PCIF1: variants seen among roughly 807,000 people sequenced by gnomAD.
PCIF1 encodes phosphorylated CTD interacting factor 1, also known as mRNA (2'-O-methyladenosine-N(6)-)-methyltransferase.
A neutral mutation model predicts 86.9 loss-of-function variants in PCIF1; 12 were observed. The ratio of observed to expected loss-of-function variants is 0.14; its 90% CI spans 0.09 to 0.22. The LOEUF is 0.22. Ranked by LOEUF, PCIF1 falls within the 10% of genes least tolerant of loss-of-function variation. The pLI is 1.00. For missense variants in PCIF1, 701 were observed against 951.1 expected (o/e 0.74, Z 3.46); for synonymous variants, 397 against 372.0 (o/e 1.07, Z -0.77).
intron 1 of PCIF1, 140 bp downstream of exon 1, chr20:45,934,944 A>G (rs2083403906): frequency 7.6e-6 from 3 of 394,060 alleles, no homozygotes; most frequent in South Asian, 1.4e-4. Context: ...GCCATCTTAG[A>G]CCCGCGGGTG....
chr20:45,940,662 G>A (rs377367005), intron 5 of PCIF1, 50 bp downstream of exon 5: 5 of 1,577,546 alleles, frequency 3.2e-6, no homozygotes, highest in East Asian at 4.5e-5. Flanking sequence ...GCTCAGACGG[G>A]CCGCCTGCAG....
rs199928508 is a variant in PCIF1 at position 45,941,223 on chromosome 20, C to A, written c.673+16C>A. The A allele has an allele frequency of 3.2e-6, 5 of 1,575,054 alleles. No individual in the cohort carries two copies. Among genetic ancestry groups the A allele is most frequent in the Non-Finnish European group, 3.4e-6 (4 of 1,160,444 alleles). On this transcript the variant is annotated intron_variant, in intron 7 of 16. Coordinates refer to ENST00000372409, the MANE Select transcript of PCIF1 (RefSeq NM_022104.4). ...CAGCGAGAGGGTACCTGCCTCTGGG[C>A]TGCAGCCTCCTTTATTTCCACCCAC...
intron 1 of PCIF1, among the ~76,000 whole-genome samples, chr20:45,935,899 T>C (rs932060604): frequency 2.0e-4 from 30 of 152,284 alleles, no homozygotes; most frequent in African/African-American, 7.2e-4. Flanking sequence ...TGTCCCCATT[T>C]AGCCTCACAC....
Position 45,947,665 on chromosome 20 carries a change from C to T in PCIF1, c.2025C>T (p.Ser675=), listed in dbSNP as rs2083545286. ...ACCGGCAGTCAGGCCGCAGCCACAGCTCTGGTTCTTCCTCATCGTCCTCCT... is the reference window on the plus strand; with the variant it reads ...ACCGGCAGTCAGGCCGCAGCCACAGTTCTGGTTCTTCCTCATCGTCCTCCT... The part of the protein sequence containing the change: ...AAYRQSGRSH[S]SGSSSSSSSE... The change falls in exon 17 of 17, where the codon AGC becomes AGT. Residue 675 remains serine (S), a synonymous_variant. Coordinates refer to ENST00000372409, the MANE Select transcript of PCIF1 (RefSeq NM_022104.4). The surrounding 1 kb of genome is among the most constrained non-coding windows in gnomAD (Gnocchi z 5.4). 1.9e-6 allele frequency: 3 copies of T among 1,612,510 alleles called. No homozygotes were observed. The highest frequency in any genetic ancestry group is 1.1e-5 in the South Asian group (1 of 91,064).
In PCIF1 at chr20:45,945,379, C is replaced by T. The variant is rs193184358; in HGVS notation, c.1169-332C>T. Among the ~76,000 whole-genome samples, 294 of 151,572 alleles carry T rather than the reference C, an allele frequency of 1.9e-3. 1 individual carries two copies. Among genetic ancestry groups the T allele is most frequent in the African/African-American group, 6.8e-3 (282 of 41,324 alleles). On this transcript the variant is annotated intron_variant, in intron 11 of 16. Coordinates refer to ENST00000372409, the MANE Select transcript of PCIF1 (RefSeq NM_022104.4). Reference sequence around the variant, plus strand: ...CCCAAAAGATCCCCAAATAAAGGATCGTCGCTATTACGATGACGGCGATGC... The same window carrying T: ...CCCAAAAGATCCCCAAATAAAGGATTGTCGCTATTACGATGACGGCGATGC...
chr20:45,945,157 G>A, intron 11 of PCIF1, 127 bp downstream of exon 11: 1 of 1,150,036 alleles, frequency 8.7e-7, no homozygotes, highest in Non-Finnish European at 1.2e-6. Flanking sequence ...GTGTCCTTTG[G>A]CTGTACTTCT....
intron 7 of PCIF1, among the ~76,000 whole-genome samples, chr20:45,942,765 T>C (rs2083485129): frequency 7.1e-6 from 1 of 141,204 alleles, no homozygotes; most frequent in Non-Finnish European, 1.5e-5. Flanking sequence ...CCAGCTAATT[T>C]CTTTTTTTTT....
intron 2 of PCIF1, among the ~76,000 whole-genome samples, chr20:45,938,501 A>C (rs1430037192): frequency 2.6e-5 from 4 of 152,136 alleles, no homozygotes; most frequent in Non-Finnish European, 5.9e-5. Flanking sequence ...ATATTTGCAG[A>C]ATCAGTAGTG....
intron 10 of PCIF1, among the ~76,000 whole-genome samples, chr20:45,944,490 A>G (rs2083503421): frequency 1.3e-5 from 2 of 152,142 alleles, no homozygotes; most frequent in African/African-American, 4.8e-5. Flanking sequence ...TCCCCAATAG[A>G]CTGCAAACAC....
At chr20:45,942,953 A>G (rs563985743) in intron 7 of PCIF1, 144 bp from the exon 8 acceptor site, 1 of 774,560 alleles carries the variant, frequency 1.3e-6, no homozygotes. Flanking sequence ...TTCTTAGAAT[A>G]TATTTTGGGA....
intron 14 of PCIF1, among the ~76,000 whole-genome samples, chr20:45,946,791 G>A (rs568794267): frequency 1.3e-5 from 2 of 152,336 alleles, no homozygotes; most frequent in African/African-American, 4.8e-5. Context: ...GAGCTCAGCA[G>A]CTGGGGATCC....
Position 45,947,463 on chromosome 20 carries a change from A to G in PCIF1, c.1883+25A>G, listed in dbSNP as rs752354350. On this transcript the variant is annotated intron_variant, in intron 16 of 16. Coordinates refer to ENST00000372409, the MANE Select transcript of PCIF1 (RefSeq NM_022104.4). This position sits in a 1 kb window ranked among gnomAD's most constrained non-coding sequence, Gnocchi z 5.4. The stretch of plus-strand genomic sequence containing the variant: ...AGTGGGTGCCAGGGAGGGCAGGGGA[A>G]GGAGGCTGGGCTGGCCAGGCCAGGC... The G allele has an allele frequency of 1.2e-6, 2 of 1,613,488 alleles. No individual in the cohort carries two copies. Among genetic ancestry groups the G allele is most frequent in the Admixed American group, 1.7e-5 (1 of 60,014 alleles).
In PCIF1 at chr20:45,946,250, G is replaced by T. The variant is rs1428875336; in HGVS notation, c.1479G>T (p.Leu493=). Residue 493 remains leucine, a synonymous_variant, in exon 14 of 17, where the codon CTG becomes CTT. Coordinates refer to ENST00000372409, the MANE Select transcript of PCIF1 (RefSeq NM_022104.4). ...LYEGTGLQGS[L]PVHVFEALHR... is the part of the protein sequence containing the mutation. ...AGGGGACTGGCCTGCAGGGATCGCT[G>T]CCTGTGCATGTCTTTGAGGCCCTCC... 6.2e-7 allele frequency: 1 copy of T among 1,614,190 alleles called. No individual in the cohort carries two copies. The highest frequency in any genetic ancestry group is 8.5e-7 in the Non-Finnish European group (1 of 1,180,054).
rs1228976852 is a variant in PCIF1 at position 45,943,730 on chromosome 20, C to T, written c.970C>T (p.Arg324Trp). The change falls in exon 10 of 17, where the codon CGG becomes TGG. Residue 324 changes from arginine to tryptophan, a missense_variant. This residue lies in a region of PCIF1 where 129 missense variants were observed against 245.9 expected (regional missense o/e 0.52). Transcript: ENST00000372409. This position sits in a 1 kb window ranked among gnomAD's most constrained non-coding sequence, Gnocchi z 5.5. ...TGTGGAAGACACCTTTAGCTGGCTTCGGAAGGACCACTCAGCCTCCAAGGA... is the reference window on the plus strand; with the variant it reads ...TGTGGAAGACACCTTTAGCTGGCTTTGGAAGGACCACTCAGCCTCCAAGGA... ...WNVEDTFSWLRKDHSASKEDY... is the reference protein window; with the variant it reads ...WNVEDTFSWLWKDHSASKEDY... 1.9e-6 allele frequency: 3 copies of T among 1,560,856 alleles called. No individual in the cohort carries two copies. Among genetic ancestry groups the T allele is most frequent in the East Asian group, 2.4e-5 (1 of 42,414 alleles).
intron 11 of PCIF1, among the ~76,000 whole-genome samples, chr20:45,945,430 A>G (rs1248164529): frequency 6.6e-6 from 1 of 152,186 alleles, no homozygotes; most frequent in Non-Finnish European, 1.5e-5. Context: ...GCCTGGCAGC[A>G]CAACCCACGG....
At chr20:45,935,439 G>C (rs1207104250) in intron 1 of PCIF1, among the ~76,000 whole-genome samples, 1 of 152,180 alleles carries the variant, frequency 6.6e-6, no homozygotes, top group East Asian at 1.9e-4. Context: ...CGGTATGCGT[G>C]GGGGTCGGGA....
chr20:45,941,828 C>T (rs990080309), intron 7 of PCIF1, among the ~76,000 whole-genome samples: 1 of 151,950 alleles, frequency 6.6e-6, no homozygotes, highest in African/African-American at 2.4e-5. Context: ...CTCAAGCCTT[C>T]TGCTTGCCTT....
At chr20:45,937,184 C>A (rs1354690344) in intron 1 of PCIF1, among the ~76,000 whole-genome samples, 1 of 152,218 alleles carries the variant, frequency 6.6e-6, no homozygotes, top group East Asian at 1.9e-4. Context: ...ACACCAAGCT[C>A]AGGGCTTTCC....
At chr20:45,941,962 T>TG (rs1397408499) in intron 7 of PCIF1, among the ~76,000 whole-genome samples, 169 of 140,186 alleles carry the variant, frequency 1.2e-3, no homozygotes, top group Non-Finnish European at 2.1e-3. Context: ...CCTTTCACCT[T>TG]TTTTTTTTTT....
Sources: allele counts gnomAD v4.1 joint callset (sites outside exome capture counted in the v4.1 genomes callset), GRCh38; gene constraint gnomAD v4.1.1; regional missense constraint gnomAD v4.1.1; non-coding constraint Gnocchi (gnomAD v3.1); transcripts MANE v1.5; gene names NCBI Gene and HGNC (gene_info 2026-07-23, HGNC 2026-07-21).